MYO16: variants seen among roughly 807,000 people sequenced by gnomAD.
MYO16 encodes myosin XVI, also known as unconventional myosin-XVI.
In MYO16, 94 loss-of-function variants were observed where a neutral mutation model predicts 205.3. That is an observed-to-expected ratio of 0.46 (90% CI 0.39 to 0.54). The LOEUF (loss-of-function observed/expected upper bound fraction) is 0.54. MYO16 is among the 20% of genes least tolerant of loss of function. MYO16 has a pLI of 0.00. For missense variants in MYO16, 2,315 were observed against 2,387.5 expected (o/e 0.97, Z 0.63); for synonymous variants, 988 against 954.0 (o/e 1.04, Z -0.66).
intron 34 of MYO16, among the ~76,000 whole-genome samples, chr13:109,199,194 A>ATATATATATATATATG (rs1880293972): frequency 7.4e-4 from 1 of 1,350 alleles, no homozygotes; most frequent in East Asian, 0.015. Flanking sequence ...TAAAAAAGGT[A>ATATATATATATATATG]TATATATATA....
At position 108,857,751 on chromosome 13, in the gene MYO16, C is replaced by G. The variant is rs74439612; in HGVS notation, c.1359+2198C>G. Among the ~76,000 whole-genome samples, 3,093 of 152,258 alleles carry G rather than the reference C, an allele frequency of 0.02. 196 individuals carry two copies. In the East Asian group the frequency reaches 0.21, roughly 10 times the overall value. On this transcript the variant is annotated intron_variant, in intron 11 of 34. Transcript: ENST00000457511. ...TTATGTGAGTTTTTCTGCTGTTTCC[C>G]TCTTAAACAGCAAATACTTCCTATG...
chr13:108,531,822 T>C, the MYO16 span, among the ~76,000 whole-genome samples: 1 of 152,128 alleles, frequency 6.6e-6, no homozygotes, highest in African/African-American at 2.4e-5. Context: ...AGACTGGTTC[T>C]AGACATTGAA....
chr13:108,850,063 A>G (rs1163584048), intron 10 of MYO16, among the ~76,000 whole-genome samples: 1 of 144,280 alleles, frequency 6.9e-6, no homozygotes, highest in Non-Finnish European at 1.5e-5. Context: ...TGTGTAACTT[A>G]TCCATACTGG....
intron 27 of MYO16, among the ~76,000 whole-genome samples, chr13:109,084,572 G>T (rs376323960): frequency 6.6e-6 from 1 of 152,056 alleles, no homozygotes; most frequent in Non-Finnish European, 1.5e-5. Context: ...CATCACATCC[G>T]TGAATCATTA....
At chr13:108,836,166 C>T (rs1876905745) in intron 9 of MYO16, among the ~76,000 whole-genome samples, 2 of 152,194 alleles carry the variant, frequency 1.3e-5, no homozygotes, top group Admixed American at 1.3e-4. Context: ...TGATGTCCTG[C>T]ACCCCAGCAA....
At chr13:108,882,843 TGAA>T (rs1361342477) in intron 12 of MYO16, among the ~76,000 whole-genome samples, 3 of 152,182 alleles carry the variant, frequency 2.0e-5, no homozygotes, top group Non-Finnish European at 4.4e-5. Context: ...GACCAAGTAA[TGAA>T]GGATAAAGTA....
rs376268608 is a variant in MYO16, at chr13:108,991,446, T to C, written c.2370-930T>C. ...TTCATTCTTCTTTTAAAAGAATTAC[T>C]TCTGGAAGAACTTTTAAAGTGACTA... is the stretch of plus-strand genomic sequence containing the variant. On this transcript the variant is annotated intron_variant, in intron 20 of 34. Transcript: ENST00000457511. Among the ~76,000 whole-genome samples the C allele has an allele frequency of 3.3e-5, 5 of 152,380 alleles. No individual in the cohort carries two copies. In the East Asian group the frequency reaches 9.6e-4, roughly 29 times the overall value.
chr13:108,836,772 C>A (rs1243600861), intron 9 of MYO16, among the ~76,000 whole-genome samples: 1 of 152,014 alleles, frequency 6.6e-6, no homozygotes, highest in Non-Finnish European at 1.5e-5. Flanking sequence ...GGGCCTGTAC[C>A]CCTTTCTTTT....
intron 34 of MYO16, among the ~76,000 whole-genome samples, chr13:109,191,067 A>C (rs1368929169): frequency 6.6e-6 from 1 of 151,960 alleles, no homozygotes; most frequent in African/African-American, 2.4e-5. Flanking sequence ...AAAAATACAA[A>C]AATTAGCCGG....
intron 4 of MYO16, among the ~76,000 whole-genome samples, chr13:108,735,927 T>G (rs1884682254): frequency 6.6e-6 from 1 of 152,230 alleles, no homozygotes; most frequent in Admixed American, 6.5e-5. Context: ...GTCTGTTAGC[T>G]GCATAAATGT....
chr13:108,972,358 A>C (rs1365804724), intron 20 of MYO16, among the ~76,000 whole-genome samples: 720 of 23,394 alleles, frequency 0.031, 187 homozygotes, highest in Non-Finnish European at 0.041. Flanking sequence ...AGCCATATAT[A>C]TATATATATA....
At chr13:108,695,959 GA>G in intron 2 of MYO16, among the ~76,000 whole-genome samples, 1 of 152,184 alleles carries the variant, frequency 6.6e-6, no homozygotes, top group Non-Finnish European at 1.5e-5. Flanking sequence ...CTAAAAATCA[GA>G]AGAGAAACCA....
chr13:108,546,402 G>A, the MYO16 span, among the ~76,000 whole-genome samples: 1 of 152,170 alleles, frequency 6.6e-6, no homozygotes, highest in African/African-American at 2.4e-5. Context: ...GACCCTGAAG[G>A]TGCATGTTGG....
At chr13:109,089,913 T>G (rs1009414389) in intron 27 of MYO16, among the ~76,000 whole-genome samples, 24 of 152,212 alleles carry the variant, frequency 1.6e-4, no homozygotes, top group Admixed American at 1.5e-3. Context: ...GGGAAGTCCC[T>G]TACCATACCA....
intron 29 of MYO16, 102 bp downstream of exon 29, chr13:109,120,568 G>A: frequency 1.4e-6 from 1 of 733,108 alleles, no homozygotes. Flanking sequence ...CTGCACCCTA[G>A]TGGACCACTC....
chr13:108,615,713 T>C (rs1879327778), intron 1 of MYO16, among the ~76,000 whole-genome samples: 1 of 152,136 alleles, frequency 6.6e-6, no homozygotes, highest in South Asian at 2.1e-4. Context: ...CCACATATGG[T>C]ATAACCTCAT....
chr13:109,207,162 G>A lies in MYO16; in HGVS notation c.*326G>A. ...AGAGCGAGAGAGTAGCGGAGGAAAG[G>A]AGCAATCCATGCACACTCTGTACAG... is the stretch of plus-strand genomic sequence containing the variant. On this transcript the variant is annotated 3_prime_UTR_variant, in exon 35 of 35. Coordinates refer to ENST00000457511, the MANE Select transcript of MYO16 (RefSeq NM_001198950.3). The A allele has an allele frequency of 3.2e-6, 1 of 312,102 alleles. No individual in the cohort carries two copies. The highest frequency in any genetic ancestry group is 6.1e-6 in the Non-Finnish European group (1 of 164,660). 19.3% of individuals were successfully genotyped at this position (312,102 alleles called of 1,614,324 possible). A position where few individuals can be genotyped will look rare whatever the true frequency, so the allele number is the denominator to read the frequency against.
chr13:109,119,427 G>C (rs373841983), intron 28 of MYO16, among the ~76,000 whole-genome samples: 2 of 152,098 alleles, frequency 1.3e-5, no homozygotes, highest in African/African-American at 4.8e-5. Context: ...TCATCTCAGA[G>C]CTTCCTTGGC....
At position 108,787,918 on chromosome 13, in the gene MYO16, C is replaced by T. The variant is rs143968327; in HGVS notation, c.616+2175C>T. On this transcript the variant is annotated intron_variant, in intron 5 of 34. Coordinates refer to ENST00000457511, the MANE Select transcript of MYO16 (RefSeq NM_001198950.3). Reference sequence around the variant, plus strand: ...TCCTCCCACTATCTCCATCATCTGCCGCCATTCCCAGTAAATACTGTCTAA... The same window carrying T: ...TCCTCCCACTATCTCCATCATCTGCTGCCATTCCCAGTAAATACTGTCTAA... 2.3e-4 allele frequency among the ~76,000 whole-genome samples: 35 copies of T among 152,268 alleles called. No homozygotes were observed. The East Asian group carries it at 6.8e-3, about 29-fold the overall frequency.
Sources: gnomAD v4.1 joint callset for allele counts (sites outside exome capture counted in the v4.1 genomes callset) on GRCh38, gnomAD v4.1.1 for gene constraint, MANE v1.5 for transcripts, NCBI Gene and HGNC (gene_info 2026-07-23, HGNC 2026-07-21) for gene names.